Variants in PEAR1 observed in about 807,000 individuals in gnomAD.
PEAR1 encodes the protein multiple EGF-like domains protein 12.
A neutral mutation model predicts 131.2 loss-of-function variants in PEAR1; 113 were observed. That is an observed-to-expected ratio of 0.86 (90% CI 0.74 to 1.01). The LOEUF (loss-of-function observed/expected upper bound fraction) is 1.01, where lower values mean the gene tolerates loss of function less well. Ranked by LOEUF, PEAR1 falls within the 50% of genes least tolerant of loss-of-function variation. PEAR1 has a pLI of 0.00. For missense variants in PEAR1, 1,408 were observed against 1,391.1 expected (o/e 1.01, Z -0.19); for synonymous variants, 565 against 523.3 (o/e 1.08, Z -1.09).
At position 156,900,932 on chromosome 1, in the gene PEAR1, G is replaced by A. The variant is rs149613819; in HGVS notation, c.-9-2986G>A. ...CTGCTGTGGCTGGAAGGGGTTGGGG[G>A]AGCATGGGCCAGGCTCAGGTGCCCT... On this transcript the variant is annotated intron_variant, in intron 1 of 22. Transcript: ENST00000292357. 3.0e-3 allele frequency among the ~76,000 whole-genome samples: 451 copies of A among 152,286 alleles called. 1 individual carries two copies. Among genetic ancestry groups the A allele is most frequent in the Non-Finnish European group, 4.8e-3 (328 of 67,994 alleles).
chr1:156,914,846 T>G lies in PEAR1; in HGVS notation c.*48T>G. 1 of 1,604,812 alleles carries G rather than the reference T, an allele frequency of 6.2e-7. No individual in the cohort carries two copies. Among genetic ancestry groups the G allele is most frequent in the Non-Finnish European group, 8.5e-7 (1 of 1,174,516 alleles). The stretch of plus-strand genomic sequence containing the variant: ...GGCCAGCACACCTGGCTGTTGCTGC[T>G]CAAGGCTGGGGACAGAGCCTAGTGT... On this transcript the variant is annotated 3_prime_UTR_variant, in exon 23 of 23. Transcript: ENST00000292357.
chr1:156,913,123 C>T (rs550070025), intron 18 of PEAR1, 71 bp from the exon 19 acceptor site: 84 of 1,564,642 alleles, frequency 5.4e-5, no homozygotes, highest in African/African-American at 3.8e-4. Context: ...TACTGATCTC[C>T]GGGGACAAAA....
intron 21 of PEAR1, 30 bp downstream of exon 21, chr1:156,913,790 G>A: frequency 6.2e-7 from 1 of 1,612,444 alleles, no homozygotes. Flanking sequence ...AAGGGAGGTG[G>A]CTGAGCTGGG....
chr1:156,904,859 G>C lies in PEAR1; in HGVS notation c.206+7G>C. 2 of 1,613,938 alleles carry C rather than the reference G, an allele frequency of 1.2e-6. No individual in the cohort carries two copies. The highest frequency in any genetic ancestry group is 1.7e-6 in the Non-Finnish European group (2 of 1,179,898). On this transcript the variant is annotated splice_region_variant and intron_variant, in intron 3 of 22. Coordinates refer to ENST00000292357, the MANE Select transcript of PEAR1 (RefSeq NM_001080471.3). The stretch of plus-strand genomic sequence containing the variant: ...ATACTTGCCCCCAGCCCACGTGAGT[G>C]CTCCTCATCCTCCATGGGTGGATGG...
chr1:156,914,607 G>C (rs114364739), intron 22 of PEAR1, 40 bp from the exon 23 acceptor site: 28,191 of 1,577,304 alleles, frequency 0.018, 309 homozygotes, highest in Non-Finnish European at 0.021. Context: ...GAGAGTGGTG[G>C]GAGGAGCCAC....
intron 15 of PEAR1, among the ~76,000 whole-genome samples, 191 bp from the exon 16 acceptor site, chr1:156,912,056 G>C (rs1217506578): frequency 6.6e-6 from 1 of 152,202 alleles, no homozygotes; most frequent in African/African-American, 2.4e-5. Flanking sequence ...GGACACGTGG[G>C]TCTGGAGTTT....
At position 156,913,753 on chromosome 1, in the gene PEAR1, C is replaced by T. The variant is rs764009967; in HGVS notation, c.2706C>T (p.Tyr902=). 4 of 1,614,066 alleles carry T rather than the reference C, an allele frequency of 2.5e-6. No individual in the cohort carries two copies. Among genetic ancestry groups the T allele is most frequent in the South Asian group, 1.1e-5 (1 of 91,072 alleles). The change falls in exon 21 of 23, where the codon TAC becomes TAT. Residue 902 remains tyrosine, a synonymous_variant. Transcript: ENST00000292357. ...ACAGCAATGGCCCAGGCCCATTCTA[C>T]AATAAAGGTATGGGCACAGGGGCAA... ...YSYSNGPGPF[Y]NKGLISEEEL... is the part of the protein sequence containing the mutation.
At chr1:156,903,737 GT>G (rs1558127336) in intron 1 of PEAR1, among the ~76,000 whole-genome samples, 180 bp from the exon 2 acceptor site, 1 of 152,186 alleles carries the variant, frequency 6.6e-6, no homozygotes, top group African/African-American at 2.4e-5. Flanking sequence ...GACCGGAGGC[GT>G]GGAAGTGACT....
intron 22 of PEAR1, 143 bp downstream of exon 22, chr1:156,914,243 G>A: frequency 1.5e-6 from 2 of 1,338,358 alleles, no homozygotes; most frequent in Non-Finnish European, 2.0e-6. Context: ...CTCAAATCAG[G>A]CATGACGGGG....
intron 1 of PEAR1, among the ~76,000 whole-genome samples, chr1:156,896,243 C>T (rs1163678214): frequency 6.6e-6 from 1 of 152,196 alleles, no homozygotes; most frequent in African/African-American, 2.4e-5. Context: ...ACTTTATAGG[C>T]TTGCTGGGAG....
chr1:156,912,999 C>T lies in PEAR1; in HGVS notation c.2422+17C>T, dbSNP rs12059218. ...TCATGCCAGGTGAGCTGGCACAGGGCCTGGGGCACAGATGAGTGGCTGGCT... is the reference window on the plus strand; with the variant it reads ...TCATGCCAGGTGAGCTGGCACAGGGTCTGGGGCACAGATGAGTGGCTGGCT... On this transcript the variant is annotated intron_variant, in intron 18 of 22. Transcript: ENST00000292357. 5,688 of 1,613,516 alleles carry T rather than the reference C, an allele frequency of 3.5e-3. 173 individuals are homozygous for T. In the African/African-American group the frequency reaches 0.066, roughly 19 times the overall value.
rs775621393 is a variant in PEAR1, at chr1:156,913,468, C to A, written c.2589C>A (p.Thr863=). Residue 863 remains threonine, a synonymous_variant, in exon 20 of 23, where the codon ACC becomes ACA. Transcript: ENST00000292357. ...GGAQGHDNHT[T]LPADWKHRRE... is the part of the protein sequence containing the mutation. The stretch of plus-strand genomic sequence containing the variant: ...CCCAAGGGCATGATAACCACACCAC[C>A]CTGCCTGCTGACTGGAAGCACCGCC... 3.1e-6 allele frequency: 5 copies of A among 1,613,602 alleles called. No homozygotes were observed. The Admixed American group carries it at 8.3e-5, about 27-fold the overall frequency.
intron 1 of PEAR1, among the ~76,000 whole-genome samples, chr1:156,897,608 A>G (rs1178472847): frequency 6.6e-6 from 1 of 152,172 alleles, no homozygotes; most frequent in Non-Finnish European, 1.5e-5. Context: ...CAGGGGGAAG[A>G]GCAACCCCCG....
At chr1:156,900,698 A>G (rs575005097) in intron 1 of PEAR1, among the ~76,000 whole-genome samples, 1 of 152,112 alleles carries the variant, frequency 6.6e-6, no homozygotes, top group Non-Finnish European at 1.5e-5. Flanking sequence ...GAGTCCCTCA[A>G]ACCAGAGGCT....
intron 1 of PEAR1, among the ~76,000 whole-genome samples, chr1:156,898,445 G>T (rs1408459931): frequency 1.3e-5 from 2 of 152,182 alleles, no homozygotes; most frequent in African/African-American, 2.4e-5. Flanking sequence ...CATGCCTGGC[G>T]TGCCGAGGGC....
chr1:156,902,715 C>A lies in PEAR1; in HGVS notation c.-9-1203C>A, dbSNP rs1009371762. ...AAAAATTATAAGCAGATGTGGGCGC[C>A]TCGGGGAGGCGTAGAGCAGGGAGCC... On this transcript the variant is annotated intron_variant, in intron 1 of 22. Coordinates refer to ENST00000292357, the MANE Select transcript of PEAR1 (RefSeq NM_001080471.3). The surrounding 1 kb of genome is among the most constrained non-coding windows in gnomAD (Gnocchi z 4.3). 6.6e-6 allele frequency among the ~76,000 whole-genome samples: 1 copy of A among 152,132 alleles called. No homozygotes were observed. The highest frequency in any genetic ancestry group is 1.5e-5 in the Non-Finnish European group (1 of 68,028).
intron 1 of PEAR1, among the ~76,000 whole-genome samples, chr1:156,898,135 C>T (rs565416270): frequency 5.3e-5 from 8 of 152,154 alleles, no homozygotes; most frequent in Admixed American, 4.6e-4. Flanking sequence ...TACCTGAGAC[C>T]CTCCACTGTG....
Position 156,906,748 on chromosome 1 carries a change from C to T in PEAR1, c.512C>T (p.Pro171Leu). The T allele has an allele frequency of 6.2e-7, 1 of 1,614,226 alleles. No individual in the cohort carries two copies. Among genetic ancestry groups the T allele is most frequent in the Non-Finnish European group, 8.5e-7 (1 of 1,180,042 alleles). The change falls in exon 6 of 23, where the codon CCC becomes CTC. Residue 171 changes from proline to leucine, a missense_variant. Pro to Leu is a moderately conservative substitution (Grantham distance 98, BLOSUM62 -3). Transcript: ENST00000292357. ...GVCSCPSGLQ[P>L]PNCLQPCTPG... ...TGTTCTTGCCCTTCTGGTCTGCAGC[C>T]CCCGAACTGCCTTCAGCCCTGTACC...
intron 4 of PEAR1, among the ~76,000 whole-genome samples, chr1:156,905,690 C>T (rs116086124): frequency 0.025 from 3,851 of 152,234 alleles, 72 homozygotes; most frequent in Non-Finnish European, 0.04. Context: ...GTCTCTGCAT[C>T]GCTGTCTGCC....
Sources: gnomAD v4.1 joint callset for allele counts (sites outside exome capture counted in the v4.1 genomes callset) on GRCh38, gnomAD v4.1.1 for gene constraint, Gnocchi (gnomAD v3.1) non-coding constraint, MANE v1.5 for transcripts, NCBI Gene and HGNC (gene_info 2026-07-23, HGNC 2026-07-21) for gene names.